TNFSF4: variants seen among roughly 807,000 people sequenced by gnomAD.
TNFSF4 encodes TNF superfamily member 4.
A neutral mutation model predicts 7.3 loss-of-function variants in TNFSF4; 4 were observed. The observed-to-expected ratio is 0.55, with a 90% CI of 0.27 to 1.25. TNFSF4 has a LOEUF of 1.25. Ranked by LOEUF, TNFSF4 falls within the 50% of genes most tolerant of loss-of-function variation. The pLI, the probability that TNFSF4 is intolerant of heterozygous loss-of-function variation, is 0.12. For missense variants in TNFSF4, 181 were observed against 208.8 expected (o/e 0.87, Z 0.82); for synonymous variants, 76 against 83.7 (o/e 0.91, Z 0.50).
chr1:173,207,795 G>A (rs1350487022), upstream of TNFSF4, among the ~76,000 whole-genome samples: 1 of 152,188 alleles, frequency 6.6e-6, no homozygotes, highest in Non-Finnish European at 1.5e-5. Context: ...ACTGGGTCAT[G>A]CAGAAGTAAA....
At chr1:173,268,915 A>G in the TNFSF4 span, among the ~76,000 whole-genome samples, 2 of 152,264 alleles carry the variant, frequency 1.3e-5, no homozygotes, top group Admixed American at 6.5e-5. Flanking sequence ...TGCACCTACC[A>G]TATTTGAAAT....
chr1:173,448,422 C>T, the TNFSF4 span, among the ~76,000 whole-genome samples: 6 of 152,088 alleles, frequency 3.9e-5, no homozygotes, highest in African/African-American at 9.7e-5. Context: ...CTTTTTCATG[C>T]GCGTCCATGT....
the TNFSF4 span, among the ~76,000 whole-genome samples, chr1:173,242,904 T>C: frequency 8.7e-4 from 132 of 151,672 alleles, 1 homozygote; most frequent in African/African-American, 2.8e-3. Flanking sequence ...AAGCCACTAA[T>C]TTTGTGGTAC....
chr1:173,285,784 T>C, the TNFSF4 span, among the ~76,000 whole-genome samples: 1 of 152,184 alleles, frequency 6.6e-6, no homozygotes, highest in African/African-American at 2.4e-5. Flanking sequence ...TTGCACACAG[T>C]AGGCTACAGT....
At chr1:173,181,766 T>C (rs576539727), downstream of TNFSF4, among the ~76,000 whole-genome samples, 8 of 152,316 alleles carry the variant, frequency 5.3e-5, no homozygotes, top group African/African-American at 1.9e-4. Context: ...GCATTAAAAG[T>C]GTTCATGTGC....
the TNFSF4 span, among the ~76,000 whole-genome samples, chr1:173,329,099 C>G: frequency 1.3e-5 from 2 of 152,128 alleles, no homozygotes; most frequent in Non-Finnish European, 1.5e-5. Flanking sequence ...TATTATGCAT[C>G]TTTTTAAAAT....
the TNFSF4 span, among the ~76,000 whole-genome samples, chr1:173,283,626 A>G: frequency 6.6e-6 from 1 of 152,202 alleles, no homozygotes; most frequent in Admixed American, 6.5e-5. Context: ...TTCCAGATAA[A>G]TAAAAGCTGG....
the TNFSF4 span, among the ~76,000 whole-genome samples, chr1:173,215,592 T>C: frequency 0.028 from 4,293 of 152,320 alleles, 66 homozygotes; most frequent in Admixed American, 0.055. Context: ...AGTAGGCCTA[T>C]GCAAATGTTA....
chr1:173,231,110 C>T, the TNFSF4 span, among the ~76,000 whole-genome samples: 20 of 152,252 alleles, frequency 1.3e-4, no homozygotes, highest in African/African-American at 4.8e-4. Flanking sequence ...CCAGCATCAT[C>T]CTGATACCAA....
chr1:173,324,790 G>A, the TNFSF4 span, among the ~76,000 whole-genome samples: 2 of 152,116 alleles, frequency 1.3e-5, no homozygotes, highest in Non-Finnish European at 2.9e-5. Context: ...ATGGTAAAGG[G>A]ATCAATTCAA....
the TNFSF4 span, among the ~76,000 whole-genome samples, chr1:173,237,113 T>G: frequency 6.6e-6 from 1 of 152,218 alleles, no homozygotes; most frequent in Non-Finnish European, 1.5e-5. Context: ...CCTGCTGTCA[T>G]GTAATATGTG....
upstream of TNFSF4, among the ~76,000 whole-genome samples, chr1:173,209,933 A>T (rs1001764454): frequency 6.6e-6 from 1 of 152,164 alleles, no homozygotes; most frequent in African/African-American, 2.4e-5. Flanking sequence ...TAACCTCCTA[A>T]ATGAATAGCC....
the TNFSF4 span, among the ~76,000 whole-genome samples, chr1:173,225,128 A>T: frequency 6.6e-6 from 1 of 152,172 alleles, no homozygotes; most frequent in Non-Finnish European, 1.5e-5. Flanking sequence ...AGCAACCAGG[A>T]AGTGAAGGTT....
At chr1:173,363,700 T>C in the TNFSF4 span, 2 of 253,480 alleles carry the variant, frequency 7.9e-6, no homozygotes, top group Non-Finnish European at 1.6e-5. Flanking sequence ...TCAGTTAAGA[T>C]GTTTGAGAAC....
the TNFSF4 span, among the ~76,000 whole-genome samples, chr1:173,346,923 A>T: frequency 6.6e-6 from 1 of 152,250 alleles, no homozygotes; most frequent in Non-Finnish European, 1.5e-5. Flanking sequence ...CCCATTCCAC[A>T]CATGTACTCA....
At chr1:173,273,511 A>C in the TNFSF4 span, among the ~76,000 whole-genome samples, 1 of 152,166 alleles carries the variant, frequency 6.6e-6, no homozygotes. Context: ...GTATAATACA[A>C]GTGGCATTTC....
chr1:173,396,511 A>G, the TNFSF4 span, among the ~76,000 whole-genome samples: 1 of 152,214 alleles, frequency 6.6e-6, no homozygotes. Context: ...CCCTGCCTCA[A>G]TACAAAAAAA....
At chr1:173,187,924 A>G (rs1649301601) in intron 2 of TNFSF4, among the ~76,000 whole-genome samples, 1 of 152,236 alleles carries the variant, frequency 6.6e-6, no homozygotes, top group Non-Finnish European at 1.5e-5. Context: ...GTACCAGTCC[A>G]GAGGGACATA....
chr1:173,289,458 G>C, the TNFSF4 span, among the ~76,000 whole-genome samples: 2 of 152,038 alleles, frequency 1.3e-5, no homozygotes, highest in African/African-American at 4.8e-5. Flanking sequence ...ACTCTTTAAA[G>C]AAAGACAACC....
Sources: gnomAD v4.1 joint callset for allele counts (sites outside exome capture counted in the v4.1 genomes callset) on GRCh38, gnomAD v4.1.1 for gene constraint, MANE v1.5 for transcripts, NCBI Gene and HGNC (gene_info 2026-07-23, HGNC 2026-07-21) for gene names.